Variants in PTPRD observed in about 807,000 individuals in gnomAD.
PTPRD encodes the protein receptor-type tyrosine-protein phosphatase delta.
In PTPRD, 34 loss-of-function variants were observed where a neutral mutation model predicts 214.5. That is an observed-to-expected ratio of 0.16 (90% CI 0.12 to 0.21). PTPRD has a LOEUF of 0.21. PTPRD is among the 10% of genes least tolerant of loss of function. PTPRD has a pLI of 1.00. For synonymous variants in PTPRD, 1,128 were observed against 845.7 expected, an observed-to-expected ratio of 1.33 and a Z score of -5.79; for missense variants, 2,545 against 2,398.7, an observed-to-expected ratio of 1.06 and a Z score of -1.27.
chr9:8,906,959 G>A (rs2098712118), intron 11 of PTPRD, among the ~76,000 whole-genome samples: 1 of 152,048 alleles, frequency 6.6e-6, no homozygotes, highest in Admixed American at 6.6e-5. Context: ...CTGTGCATAT[G>A]CAAGGGGAAC....
At chr9:9,682,139 T>G (rs1241178200) in intron 7 of PTPRD, among the ~76,000 whole-genome samples, 2 of 151,724 alleles carry the variant, frequency 1.3e-5, no homozygotes, top group African/African-American at 4.8e-5. Context: ...GGCACTAATC[T>G]TAATGAAAAT....
chr9:10,482,175 G>T (rs1953590), intron 2 of PTPRD, among the ~76,000 whole-genome samples: 28,835 of 151,560 alleles, frequency 0.19, 2,889 homozygotes, highest in South Asian at 0.21. Flanking sequence ...ATTGAGACCA[G>T]CCCGGCTAAC....
At chr9:9,987,564 C>T (rs2095761668) in intron 4 of PTPRD, among the ~76,000 whole-genome samples, 2 of 152,096 alleles carry the variant, frequency 1.3e-5, no homozygotes, top group South Asian at 2.1e-4. Flanking sequence ...GCCCCGACAA[C>T]ATGTGGGAAT....
chr9:9,054,906 G>A (rs1268261620), intron 10 of PTPRD, among the ~76,000 whole-genome samples: 1 of 152,134 alleles, frequency 6.6e-6, no homozygotes, highest in Admixed American at 6.6e-5. Context: ...AAAATGTCCT[G>A]AGAGAGCTAA....
intron 5 of PTPRD, among the ~76,000 whole-genome samples, chr9:9,789,811 A>AC (rs2098954602): frequency 1.3e-5 from 2 of 151,318 alleles, no homozygotes; most frequent in East Asian, 3.9e-4. Flanking sequence ...AAAAAAAAAA[A>AC]AAAAAAAAAA....
chr9:9,935,814 C>T (rs2089114663), intron 5 of PTPRD, among the ~76,000 whole-genome samples: 1 of 149,216 alleles, frequency 6.7e-6, no homozygotes. Flanking sequence ...ATCACACTAC[C>T]TGACTTCAAA....
At chr9:8,433,923 A>T (rs1192378187) in intron 35 of PTPRD, among the ~76,000 whole-genome samples, 2 of 152,148 alleles carry the variant, frequency 1.3e-5, no homozygotes, top group African/African-American at 2.4e-5. Context: ...ACCCAGAGCA[A>T]CTAAAAGTCT....
chr9:9,819,273 C>T (rs1184359232), intron 5 of PTPRD, among the ~76,000 whole-genome samples: 3 of 151,996 alleles, frequency 2.0e-5, no homozygotes, highest in South Asian at 2.1e-4. Context: ...GTCTCTATAA[C>T]GATTTATTAC....
intron 5 of PTPRD, among the ~76,000 whole-genome samples, chr9:9,885,011 T>G (rs1210668169): frequency 6.6e-6 from 1 of 152,042 alleles, no homozygotes; most frequent in Non-Finnish European, 1.5e-5. Flanking sequence ...GAAAACGTTA[T>G]TGGCATCTAG....
chr9:9,489,710 G>C (rs2095818401), intron 8 of PTPRD, among the ~76,000 whole-genome samples: 1 of 152,064 alleles, frequency 6.6e-6, no homozygotes, highest in Non-Finnish European at 1.5e-5. Flanking sequence ...AAATATCACT[G>C]AGTCTTTAAA....
chr9:8,788,378 C>G (rs1329997330), intron 11 of PTPRD, among the ~76,000 whole-genome samples: 1 of 147,550 alleles, frequency 6.8e-6, no homozygotes. Context: ...CAGGTTCAAG[C>G]CATTCTCCTG....
At chr9:8,503,547 T>G (rs536511585) in intron 23 of PTPRD, among the ~76,000 whole-genome samples, 9 of 152,344 alleles carry the variant, frequency 5.9e-5, no homozygotes, top group Admixed American at 5.9e-4. Flanking sequence ...TAATACTTTA[T>G]GCAAAACAAT....
intron 8 of PTPRD, among the ~76,000 whole-genome samples, chr9:9,462,537 T>A (rs902946872): frequency 1.3e-5 from 2 of 152,156 alleles, no homozygotes; most frequent in Non-Finnish European, 2.9e-5. Context: ...TTAAAACAGA[T>A]AATTTAATAA....
At chr9:10,180,168 A>C (rs2099273896) in intron 3 of PTPRD, among the ~76,000 whole-genome samples, 1 of 152,140 alleles carries the variant, frequency 6.6e-6, no homozygotes, top group African/African-American at 2.4e-5. Flanking sequence ...TGTTTAAAAA[A>C]TATCAGAAAA....
At position 8,611,072 on chromosome 9, in the gene PTPRD, TG is replaced by T. The variant is rs568636993; in HGVS notation, c.352+22244del. ...ATACTAGGATACTCAAAACACGTGA[TG>T]AAAAAATAACATATCCAAAAGATTA... On this transcript the variant is annotated intron_variant, in intron 14 of 45. Coordinates refer to ENST00000381196, the MANE Select transcript of PTPRD (RefSeq NM_002839.4). Among the ~76,000 whole-genome samples the T allele has an allele frequency of 3.3e-5, 5 of 152,324 alleles. No individual in the cohort carries two copies. The South Asian group carries it at 1.0e-3, about 32-fold the overall frequency.
At chr9:10,086,914 TAA>T (rs1221437703) in intron 3 of PTPRD, among the ~76,000 whole-genome samples, 2 of 151,796 alleles carry the variant, frequency 1.3e-5, no homozygotes, top group African/African-American at 4.8e-5. Context: ...TTAATACACA[TAA>T]AAAGTTTATA....
At chr9:10,324,604 A>G (rs2154430182) in intron 3 of PTPRD, among the ~76,000 whole-genome samples, 1 of 152,008 alleles carries the variant, frequency 6.6e-6, no homozygotes, top group East Asian at 1.9e-4. Context: ...GCACTCCTTC[A>G]ATGGCTTCAT....
intron 2 of PTPRD, among the ~76,000 whole-genome samples, chr9:10,504,423 C>T (rs566498117): frequency 6.6e-6 from 1 of 152,198 alleles, no homozygotes; most frequent in East Asian, 1.9e-4. Context: ...GACTTAATTT[C>T]CATGCAAATG....
chr9:9,286,411 A>G (rs1949377899), intron 9 of PTPRD, among the ~76,000 whole-genome samples: 2 of 151,794 alleles, frequency 1.3e-5, no homozygotes, highest in Admixed American at 6.6e-5. Flanking sequence ...TGCTACTACT[A>G]GCATTTCCAT....
Sources: gnomAD v4.1 joint callset for allele counts (sites outside exome capture counted in the v4.1 genomes callset) on GRCh38, gnomAD v4.1.1 for gene constraint, MANE v1.5 for transcripts, NCBI Gene and HGNC (gene_info 2026-07-23, HGNC 2026-07-21) for gene names.